Variants in NCKAP5 observed in about 807,000 individuals in gnomAD.
NCKAP5 encodes NCK associated protein 5.
NCKAP5 carries 92 observed loss-of-function variants against 167.0 expected under a neutral mutation model. The ratio of observed to expected loss-of-function variants is 0.55; its 90% CI spans 0.47 to 0.66. NCKAP5 has a LOEUF of 0.66. NCKAP5 is among the 30% of genes least tolerant of loss of function. NCKAP5 has a pLI of 0.00. For synonymous variants in NCKAP5, 891 were observed against 877.4 expected (o/e 1.02, Z -0.27); for missense variants, 2,378 against 2,315.0 (o/e 1.03, Z -0.56).
intron 19 of NCKAP5, among the ~76,000 whole-genome samples, chr2:132,725,124 T>C (rs1357680703): frequency 6.6e-6 from 1 of 152,178 alleles, no homozygotes; most frequent in Admixed American, 6.5e-5. Flanking sequence ...TAGTTTTAAA[T>C]GTCTAGAGAT....
intron 4 of NCKAP5, among the ~76,000 whole-genome samples, chr2:133,239,129 A>G (rs1393559013): frequency 6.6e-6 from 1 of 152,216 alleles, no homozygotes; most frequent in Non-Finnish European, 1.5e-5. Flanking sequence ...CACTTATCAA[A>G]GTCCATTTAA....
At chr2:133,628,041 G>C in the NCKAP5 span, among the ~76,000 whole-genome samples, 1 of 152,148 alleles carries the variant, frequency 6.6e-6, no homozygotes, top group Non-Finnish European at 1.5e-5. Context: ...ATATCATACT[G>C]ACTGGGCAAA....
At chr2:133,427,379 G>C (rs536495441) in intron 3 of NCKAP5, among the ~76,000 whole-genome samples, 2 of 152,070 alleles carry the variant, frequency 1.3e-5, no homozygotes, top group Non-Finnish European at 2.9e-5. Context: ...AGAAGGTAAG[G>C]TAATAAAACT....
At chr2:132,826,806 G>A (rs1302986637) in intron 11 of NCKAP5, among the ~76,000 whole-genome samples, 1 of 152,164 alleles carries the variant, frequency 6.6e-6, no homozygotes, top group African/African-American at 2.4e-5. Context: ...CAATACAGGA[G>A]AAGAAATGTT....
At chr2:133,469,245 T>A (rs953899912) in intron 3 of NCKAP5, among the ~76,000 whole-genome samples, 7 of 152,098 alleles carry the variant, frequency 4.6e-5, no homozygotes, top group Non-Finnish European at 7.4e-5. Flanking sequence ...GTCTGTAAAG[T>A]ATTTTATTTC....
At chr2:133,603,228 CT>C in the NCKAP5 span, among the ~76,000 whole-genome samples, 51,157 of 137,618 alleles carry the variant, frequency 0.37, 9,737 homozygotes, top group Non-Finnish European at 0.44. Flanking sequence ...CTTTTTCTTT[CT>C]TTTTTTTTTT....
chr2:133,271,474 G>A (rs2089508678), intron 4 of NCKAP5, among the ~76,000 whole-genome samples: 1 of 152,074 alleles, frequency 6.6e-6, no homozygotes, highest in African/African-American at 2.4e-5. Context: ...AAAAAAACAT[G>A]TTTAATCTGA....
At chr2:133,478,319 C>G (rs764981078) in intron 3 of NCKAP5, among the ~76,000 whole-genome samples, 1 of 152,160 alleles carries the variant, frequency 6.6e-6, no homozygotes, top group Non-Finnish European at 1.5e-5. Flanking sequence ...CTTTTCCTAG[C>G]AACCCCATTT....
At chr2:132,817,497 T>C (rs1217798649) in intron 11 of NCKAP5, among the ~76,000 whole-genome samples, 4 of 152,112 alleles carry the variant, frequency 2.6e-5, no homozygotes, top group Non-Finnish European at 5.9e-5. Flanking sequence ...TCTTAAGAAA[T>C]TCCCTGATGT....
chr2:133,119,673 A>C (rs563831139), intron 6 of NCKAP5, among the ~76,000 whole-genome samples: 10 of 152,236 alleles, frequency 6.6e-5, no homozygotes, highest in African/African-American at 2.2e-4. Context: ...ATCTATCAAT[A>C]AATTTAAAAA....
intron 3 of NCKAP5, among the ~76,000 whole-genome samples, chr2:133,475,455 T>G (rs1679797076): frequency 6.6e-6 from 1 of 152,196 alleles, no homozygotes; most frequent in African/African-American, 2.4e-5. Flanking sequence ...AACCCACAAC[T>G]AAAGGCTCAA....
At chr2:133,220,470 A>G (rs1302455468) in intron 4 of NCKAP5, among the ~76,000 whole-genome samples, 1 of 152,238 alleles carries the variant, frequency 6.6e-6, no homozygotes, top group Non-Finnish European at 1.5e-5. Flanking sequence ...ATGGACAATT[A>G]GTTCCAGGTT....
intron 3 of NCKAP5, among the ~76,000 whole-genome samples, chr2:133,345,250 C>T (rs60611454): frequency 6.6e-6 from 1 of 152,236 alleles, no homozygotes; most frequent in African/African-American, 2.4e-5. Flanking sequence ...TGCCCAGCTG[C>T]TGTGCAACCC....
At chr2:133,523,834 A>T (rs965897331) in intron 2 of NCKAP5, among the ~76,000 whole-genome samples, 1 of 152,170 alleles carries the variant, frequency 6.6e-6, no homozygotes, top group Non-Finnish European at 1.5e-5. Context: ...AAGGACAAAT[A>T]ACAAACACAG....
chr2:132,867,475 G>T (rs1405651470), intron 10 of NCKAP5, among the ~76,000 whole-genome samples: 1 of 152,204 alleles, frequency 6.6e-6, no homozygotes, highest in East Asian at 1.9e-4. Flanking sequence ...TGCCGGGTTT[G>T]TTTGGTGTGG....
At chr2:132,943,959 T>C (rs2149109498) in intron 8 of NCKAP5, among the ~76,000 whole-genome samples, 1 of 152,206 alleles carries the variant, frequency 6.6e-6, no homozygotes, top group East Asian at 1.9e-4. Flanking sequence ...GCAGCATGTG[T>C]AGAGGGGACA....
At chr2:132,972,381 T>C (rs1378275662) in intron 7 of NCKAP5, among the ~76,000 whole-genome samples, 2 of 152,204 alleles carry the variant, frequency 1.3e-5, no homozygotes, top group African/African-American at 4.8e-5. Context: ...ACAGGTTCTA[T>C]GTTTGCAACA....
At chr2:132,929,947 T>C (rs1229614627) in intron 8 of NCKAP5, 1 of 152,222 alleles carries the variant, frequency 6.6e-6, no homozygotes, top group East Asian at 1.9e-4. Context: ...AGCTGTTGTG[T>C]AGCTCACACA....
chr2:133,454,215 T>C (rs536677286), intron 3 of NCKAP5, among the ~76,000 whole-genome samples: 1 of 152,192 alleles, frequency 6.6e-6, no homozygotes, highest in East Asian at 1.9e-4. Context: ...CAATGGATAA[T>C]ATAATTTAAA....
Sources: allele counts gnomAD v4.1 joint callset (sites outside exome capture counted in the v4.1 genomes callset), GRCh38; gene constraint gnomAD v4.1.1; transcripts MANE v1.5; gene names NCBI Gene and HGNC (gene_info 2026-07-23, HGNC 2026-07-21).